Variants in GBF1 observed in about 807,000 individuals in gnomAD.
GBF1 encodes the protein golgi brefeldin A resistant guanine nucleotide exchange factor 1.
A neutral mutation model predicts 210.5 loss-of-function variants in GBF1; 114 were observed. That is an observed-to-expected ratio of 0.54 (90% confidence interval 0.47 to 0.63). GBF1 has a LOEUF of 0.63. Ranked by LOEUF, GBF1 falls within the 30% of genes least tolerant of loss-of-function variation. The probability of loss-of-function intolerance (pLI) is 0.00; values close to 1 mark genes in which losing one functional copy is unlikely to be tolerated. For missense variants in GBF1, 1,851 were observed against 2,357.7 expected, an observed-to-expected ratio of 0.79 and a Z score of 4.45; for synonymous variants, 850 against 889.2, an observed-to-expected ratio of 0.96 and a Z score of 0.78.
chr10:102,254,739 T>G (rs1248003220), intron 1 of GBF1, among the ~76,000 whole-genome samples: 3 of 151,934 alleles, frequency 2.0e-5, no homozygotes, highest in African/African-American at 4.8e-5. Flanking sequence ...TATTTTTTTC[T>G]ATTAATTTTT....
Position 102,369,312 on chromosome 10 carries a change from G to C in GBF1, c.3075G>C (p.Arg1025=). ...HLAHRHGDIL[R]EGWKNIMEAM... is the part of the protein sequence containing the mutation. Reference sequence around the variant, plus strand: ...CCCATCGTCATGGTGACATCCTGCGGGAGGGCTGGAAGAATATCATGGAGG... The same window carrying C: ...CCCATCGTCATGGTGACATCCTGCGCGAGGGCTGGAAGAATATCATGGAGG... The change falls in exon 24 of 40, where the codon CGG becomes CGC. Residue 1025 remains arginine, a synonymous_variant. Coordinates refer to ENST00000369983, the MANE Select transcript of GBF1 (RefSeq NM_001377137.1). 6.2e-7 allele frequency: 1 copy of C among 1,613,906 alleles called. No homozygotes were observed.
At chr10:102,270,380 G>T (rs1442811991) in intron 3 of GBF1, among the ~76,000 whole-genome samples, 1 of 151,656 alleles carries the variant, frequency 6.6e-6, no homozygotes, top group African/African-American at 2.4e-5. Flanking sequence ...ATGTTGGCCA[G>T]GTTGGTCTCG....
intron 3 of GBF1, among the ~76,000 whole-genome samples, chr10:102,300,758 C>T (rs140615611): frequency 9.8e-5 from 15 of 152,310 alleles, no homozygotes; most frequent in Admixed American, 5.2e-4. Context: ...GCTCCGTCGT[C>T]ATTCAGTTTG....
At position 102,368,816 on chromosome 10, in the gene GBF1, C is replaced by G. The variant is rs2060051002; in HGVS notation, c.2957C>G (p.Thr986Arg). ...DNLIISLCKF[T>R]ALSSESIENL... is the part of the protein sequence containing the mutation. Reference sequence around the variant, plus strand: ...CTCATCATCTCTCTATGCAAATTCACAGCTCTCAGCAGTGAGGTGAGCAGG... The same window carrying G: ...CTCATCATCTCTCTATGCAAATTCAGAGCTCTCAGCAGTGAGGTGAGCAGG... Residue 986 changes from threonine (T) to arginine (R), a missense_variant, in exon 23 of 40, where the codon ACA becomes AGA. Physicochemically the swap from Thr to Arg is moderately conservative, Grantham distance 71. Coordinates refer to ENST00000369983, the MANE Select transcript of GBF1 (RefSeq NM_001377137.1). The G allele has an allele frequency of 6.2e-7, 1 of 1,607,732 alleles. No individual in the cohort carries two copies. Among genetic ancestry groups the G allele is most frequent in the African/African-American group, 1.3e-5 (1 of 74,794 alleles).
In GBF1 at chr10:102,358,641, A is replaced by G. The variant is rs1438828928; in HGVS notation, c.923A>G (p.Asp308Gly). 4 of 1,614,044 alleles carry G rather than the reference A, an allele frequency of 2.5e-6. No individual in the cohort carries two copies. The highest frequency in any genetic ancestry group is 2.5e-6 in the Non-Finnish European group (3 of 1,179,916). Residue 308 changes from aspartate (D) to glycine (G), a missense_variant, in exon 10 of 40, where the codon GAT becomes GGT. Coordinates refer to ENST00000369983, the MANE Select transcript of GBF1 (RefSeq NM_001377137.1). ...SQTTSKEDLT[D>G]LEQPGSPGYS... ...ACCACTTCCAAGGAAGACCTTACTG[A>G]TCTAGAGCAACCTGGCTCTCCAGGG...
chr10:102,334,368 T>A (rs2057565875), intron 3 of GBF1, among the ~76,000 whole-genome samples: 1 of 152,196 alleles, frequency 6.6e-6, no homozygotes, highest in Non-Finnish European at 1.5e-5. Flanking sequence ...GCCAGCCCAA[T>A]GCTGGCCAAA....
chr10:102,341,122 T>G (rs1472971561), intron 3 of GBF1, among the ~76,000 whole-genome samples: 1 of 152,140 alleles, frequency 6.6e-6, no homozygotes, highest in Non-Finnish European at 1.5e-5. Context: ...AAGAAAACAA[T>G]TTAGTTTAAT....
chr10:102,328,551 G>A (rs1589654693), intron 3 of GBF1, among the ~76,000 whole-genome samples: 2 of 152,288 alleles, frequency 1.3e-5, no homozygotes, highest in Admixed American at 1.3e-4. Flanking sequence ...ATATGCTGCT[G>A]TAGTAACTAT....
rs11191257 is a variant in GBF1 at position 102,321,600 on chromosome 10, C to A, written c.164-22451C>A. On this transcript the variant is annotated intron_variant, in intron 3 of 39. Coordinates refer to ENST00000369983, the MANE Select transcript of GBF1 (RefSeq NM_001377137.1). ...TTGTTTTTGTTTTGAGACGGAGTCT[C>A]GCTCTACTACCCAGGCTGGAGTATA... 9.9e-3 allele frequency among the ~76,000 whole-genome samples: 1,502 copies of A among 152,312 alleles called. 14 individuals are homozygous for A. Among genetic ancestry groups the A allele is most frequent in the Non-Finnish European group, 0.017 (1,125 of 68,022 alleles).
chr10:102,235,821 G>A, the GBF1 span, among the ~76,000 whole-genome samples: 1 of 152,164 alleles, frequency 6.6e-6, no homozygotes. Flanking sequence ...CTGCATTACT[G>A]AGAGATAGGC....
chr10:102,244,899 T>G (rs1219441185), upstream of GBF1, among the ~76,000 whole-genome samples: 1 of 152,160 alleles, frequency 6.6e-6, no homozygotes, highest in Non-Finnish European at 1.5e-5. Context: ...CGTCCCATTT[T>G]CTCTATTTCT....
At chr10:102,296,676 G>A (rs562133601) in intron 3 of GBF1, among the ~76,000 whole-genome samples, 15 of 152,020 alleles carry the variant, frequency 9.9e-5, no homozygotes, top group African/African-American at 3.6e-4. Flanking sequence ...GGGAGGTGGA[G>A]GTTGCAGTGA....
At chr10:102,381,371 G>A in intron 39 of GBF1, 116 bp downstream of exon 39, 1 of 1,026,622 alleles carries the variant, frequency 9.7e-7, no homozygotes. Context: ...AGGGAAGAAG[G>A]CCACTAGAGA....
chr10:102,345,342 T>C (rs2058471327), intron 4 of GBF1, among the ~76,000 whole-genome samples: 1 of 151,594 alleles, frequency 6.6e-6, no homozygotes, highest in Non-Finnish European at 1.5e-5. Context: ...TGCTACATAT[T>C]TTCTTTTTTC....
intron 3 of GBF1, among the ~76,000 whole-genome samples, chr10:102,301,260 T>A (rs559857555): frequency 6.6e-6 from 1 of 152,248 alleles, no homozygotes; most frequent in Non-Finnish European, 1.5e-5. Flanking sequence ...TAACCCTGAG[T>A]GGACACAGCA....
chr10:102,303,599 T>C (rs1233621409), intron 3 of GBF1, among the ~76,000 whole-genome samples: 1 of 152,158 alleles, frequency 6.6e-6, no homozygotes, highest in Non-Finnish European at 1.5e-5. Flanking sequence ...TGAGAACAGG[T>C]TAAGGATTAC....
At chr10:102,301,571 G>A (rs1292392099) in intron 3 of GBF1, among the ~76,000 whole-genome samples, 2 of 152,012 alleles carry the variant, frequency 1.3e-5, no homozygotes, top group Non-Finnish European at 2.9e-5. Flanking sequence ...GGGCGGAGGG[G>A]CTCCTCACTT....
intron 3 of GBF1, among the ~76,000 whole-genome samples, chr10:102,262,428 T>G (rs1322101009): frequency 6.6e-6 from 1 of 152,236 alleles, no homozygotes; most frequent in Non-Finnish European, 1.5e-5. Flanking sequence ...TCTTTTTGTT[T>G]GGTTTTGAAT....
At position 102,360,374 on chromosome 10, in the gene GBF1, G is replaced by C; in HGVS notation, c.1371G>C (p.Glu457Asp). The C allele has an allele frequency of 1.9e-6, 3 of 1,611,074 alleles. No homozygotes were observed. Among genetic ancestry groups the C allele is most frequent in the Non-Finnish European group, 2.5e-6 (3 of 1,177,242 alleles). Residue 457 changes from glutamate to aspartate, a missense_variant, in exon 12 of 40, where the codon GAG (glutamate) becomes GAC (aspartate). Glu to Asp is a conservative substitution (Grantham distance 45). Around this residue, in one of 3 missense-constraint regions of GBF1, gnomAD observed 804 missense variants for 958.6 expected, o/e 0.84. Transcript: ENST00000369983. ...CQTLLGLIKDEMCRHLFQLLS... is the reference protein window; with the variant it reads ...CQTLLGLIKDDMCRHLFQLLS... ...CCCTCTTGGGCCTCATCAAGGATGA[G>C]ATGTGCCGTCACTTATTCCAGGTAA...
Sources: gnomAD v4.1 joint callset for allele counts (sites outside exome capture counted in the v4.1 genomes callset) on GRCh38, gnomAD v4.1.1 for gene constraint, gnomAD v4.1.1 regional missense constraint, MANE v1.5 for transcripts, NCBI Gene and HGNC (gene_info 2026-07-23, HGNC 2026-07-21) for gene names.